TNRC6B: variants seen among roughly 807,000 people sequenced by gnomAD.
TNRC6B encodes the protein trinucleotide repeat-containing gene 6B protein.
Under a neutral mutation model 203.6 loss-of-function variants are expected in TNRC6B, and 52 were observed. The observed-to-expected ratio is 0.26, with a 90% CI of 0.20 to 0.32. The LOEUF (loss-of-function observed/expected upper bound fraction) is 0.32, where lower values mean the gene tolerates loss of function less well. Ranked by LOEUF, TNRC6B falls within the 10% of genes least tolerant of loss-of-function variation. The pLI, the probability that TNRC6B is intolerant of heterozygous loss-of-function variation, is 1.00. For missense variants in TNRC6B, 1,923 were observed against 2,286.2 expected, an observed-to-expected ratio of 0.84 and a Z score of 3.24; for synonymous variants, 838 against 845.7, an observed-to-expected ratio of 0.99 and a Z score of 0.16.
chr22:40,069,478 CT>C (rs546059747), intron 1 of TNRC6B, among the ~76,000 whole-genome samples: 3,292 of 143,402 alleles, frequency 0.023, 147 homozygotes, highest in African/African-American at 0.081. Flanking sequence ...TTTGTAAGAG[CT>C]TTTTTTTTTT....
At chr22:40,185,765 G>A (rs2069193126) in intron 1 of TNRC6B, among the ~76,000 whole-genome samples, 1 of 152,142 alleles carries the variant, frequency 6.6e-6, no homozygotes, top group Non-Finnish European at 1.5e-5. Flanking sequence ...GTGCAGAGGA[G>A]GACTTGGTGG....
At chr22:40,162,026 G>C (rs1220657472) in intron 4 of TNRC6B, among the ~76,000 whole-genome samples, 1 of 152,158 alleles carries the variant, frequency 6.6e-6, no homozygotes, top group South Asian at 2.1e-4. Context: ...TTTTGATTTG[G>C]TCTTATTTAT....
intron 3 of TNRC6B, among the ~76,000 whole-genome samples, chr22:40,132,529 C>G (rs2068556016): frequency 6.6e-6 from 1 of 150,716 alleles, no homozygotes; most frequent in Non-Finnish European, 1.5e-5. Context: ...CCTGTAGTCC[C>G]AGCTACTTGG....
intron 1 of TNRC6B, among the ~76,000 whole-genome samples, chr22:40,182,651 C>T (rs1259025763): frequency 1.3e-5 from 2 of 152,186 alleles, no homozygotes; most frequent in African/African-American, 4.8e-5. Context: ...TAGTTTGGTT[C>T]ATGTGGAAAT....
intron 1 of TNRC6B, among the ~76,000 whole-genome samples, chr22:40,060,167 CA>C (rs1168922852): frequency 1.3e-4 from 19 of 141,312 alleles, no homozygotes; most frequent in African/African-American, 4.8e-4. Flanking sequence ...TTTAATTTAG[CA>C]AAAAAAGTTT....
intron 1 of TNRC6B, among the ~76,000 whole-genome samples, chr22:40,094,248 T>C (rs1350090138): frequency 1.3e-5 from 2 of 152,204 alleles, no homozygotes; most frequent in African/African-American, 4.8e-5. Context: ...CCATATTTTA[T>C]GGAATTTAAG....
rs2068485544 is a variant in TNRC6B, at chr22:40,125,682, C to T, written c.-46-90C>T. 4 of 771,480 alleles carry T rather than the reference C, an allele frequency of 5.2e-6. No individual in the cohort carries two copies. The African/African-American group carries it at 5.3e-5, about 10-fold the overall frequency. The allele number at this position is 771,480 out of a possible 1,614,324, so 47.8% of individuals were successfully genotyped here. A position where few individuals can be genotyped will look rare whatever the true frequency, so the allele number is the denominator to read the frequency against. ...AAAGTTACTTCACAGTATCTGTGGC[C>T]TTATTGAGAGAATTTCAGTCTAAAC... On this transcript the variant is annotated intron_variant, in intron 2 of 23. Coordinates refer to the TNRC6B transcript ENST00000301923.
intron 1 of TNRC6B, among the ~76,000 whole-genome samples, chr22:40,205,218 C>T (rs952969206): frequency 6.6e-6 from 1 of 152,188 alleles, no homozygotes; most frequent in African/African-American, 2.4e-5. Context: ...TTACCTCAAG[C>T]ACTTAGTAGA....
At chr22:40,072,033 T>G (rs2067953822) in intron 1 of TNRC6B, among the ~76,000 whole-genome samples, 1 of 152,122 alleles carries the variant, frequency 6.6e-6, no homozygotes, top group Non-Finnish European at 1.5e-5. Flanking sequence ...TTTAAAAATC[T>G]TTTTGTAGAG....
chr22:40,050,609 A>G (rs1225785138), intron 1 of TNRC6B, among the ~76,000 whole-genome samples: 1 of 152,082 alleles, frequency 6.6e-6, no homozygotes, highest in Non-Finnish European at 1.5e-5. Flanking sequence ...ATCCACCCTC[A>G]GTTAAGACTG....
chr22:40,281,380 A>C, intron 11 of TNRC6B, 91 bp downstream of exon 11: 1 of 1,136,950 alleles, frequency 8.8e-7, no homozygotes, highest in South Asian at 2.1e-5. Context: ...CTGTCTTGGG[A>C]AATTTGTTGA....
intron 4 of TNRC6B, among the ~76,000 whole-genome samples, chr22:40,167,019 C>T (rs1286666956): frequency 6.6e-6 from 1 of 152,064 alleles, no homozygotes; most frequent in African/African-American, 2.4e-5. Flanking sequence ...CTGAAATGGC[C>T]TTTGAATTGA....
intron 4 of TNRC6B, among the ~76,000 whole-genome samples, chr22:40,160,472 G>A (rs1345842641): frequency 6.0e-5 from 5 of 83,452 alleles, no homozygotes; most frequent in African/African-American, 1.7e-4. Context: ...GTGAAACTCC[G>A]TCTCAAAAAA....
chr22:40,184,622 T>G (rs1331118169), intron 1 of TNRC6B, among the ~76,000 whole-genome samples: 1 of 152,180 alleles, frequency 6.6e-6, no homozygotes, highest in Non-Finnish European at 1.5e-5. Context: ...GGCTGGGACA[T>G]TGCACGTCAG....
chr22:40,270,299 A>C lies in TNRC6B; in HGVS notation c.2965+19A>C. 3 of 1,316,270 alleles carry C rather than the reference A, an allele frequency of 2.3e-6. No individual in the cohort carries two copies. The highest frequency in any genetic ancestry group is 2.9e-6 in the Non-Finnish European group (3 of 1,027,814). The allele number at this position is 1,316,270 out of a possible 1,614,324, so 81.5% of individuals were successfully genotyped here. On this transcript the variant is annotated intron_variant, in intron 6 of 22. Transcript: ENST00000454349. Reference sequence around the variant, plus strand: ...AAGCCTAGTAAGTGTGAAGCTTTTCATTTTTGAGGGATCCTTTTTTTTTTT... The same window carrying C: ...AAGCCTAGTAAGTGTGAAGCTTTTCCTTTTTGAGGGATCCTTTTTTTTTTT...
chr22:40,050,828 G>GTTT (rs796181578), intron 1 of TNRC6B, among the ~76,000 whole-genome samples: 1 of 141,114 alleles, frequency 7.1e-6, no homozygotes, highest in African/African-American at 2.6e-5. Flanking sequence ...TTGTTTTTGG[G>GTTT]TTTTTTTTTT....
chr22:40,140,293 T>G (rs2068634458), intron 3 of TNRC6B, among the ~76,000 whole-genome samples: 2 of 152,214 alleles, frequency 1.3e-5, no homozygotes, highest in South Asian at 4.1e-4. Context: ...TATTTTAATA[T>G]CCTTTGAAGC....
chr22:40,228,361 C>T (rs900257995), intron 1 of TNRC6B, among the ~76,000 whole-genome samples: 9 of 151,174 alleles, frequency 6.0e-5, no homozygotes, highest in East Asian at 2.0e-4. Flanking sequence ...ACCCGGGAGG[C>T]GGAGGTTGCA....
At chr22:40,286,245 T>G (rs1016731720) in intron 12 of TNRC6B, among the ~76,000 whole-genome samples, 1 of 152,194 alleles carries the variant, frequency 6.6e-6, no homozygotes, top group African/African-American at 2.4e-5. Flanking sequence ...GCCAAGGTGC[T>G]TGAGGCCAGG....
Sources: allele counts gnomAD v4.1 joint callset (sites outside exome capture counted in the v4.1 genomes callset), GRCh38; gene constraint gnomAD v4.1.1; transcripts MANE v1.5; gene names NCBI Gene and HGNC (gene_info 2026-07-23, HGNC 2026-07-21).